The following LUZP2 variants were observed in gnomAD, a reference collection of about 807,000 sequenced individuals.
LUZP2 encodes the protein leucine zipper protein 2.
Under a neutral mutation model 51.6 loss-of-function variants are expected in LUZP2, and 52 were observed. The ratio of observed to expected loss-of-function variants is 1.01; its 90% CI spans 0.81 to 1.27. The LOEUF is 1.27. Ranked by LOEUF, LUZP2 falls within the 50% of genes most tolerant of loss-of-function variation. LUZP2 has a pLI of 0.00. For synonymous variants in LUZP2, 154 were observed against 137.3 expected, an observed-to-expected ratio of 1.12 and a Z score of -0.85; for missense variants, 436 against 395.4, an observed-to-expected ratio of 1.10 and a Z score of -0.87.
At chr11:24,978,640 A>G (rs532419235) in intron 8 of LUZP2, among the ~76,000 whole-genome samples, 6 of 151,816 alleles carry the variant, frequency 4.0e-5, no homozygotes, top group Non-Finnish European at 7.4e-5. Context: ...AATATATGAC[A>G]CAAGGTCTTG....
intron 7 of LUZP2, among the ~76,000 whole-genome samples, chr11:24,972,989 T>C (rs1855787905): frequency 6.6e-6 from 1 of 151,746 alleles, no homozygotes; most frequent in South Asian, 2.1e-4. Context: ...GTGATAGTTT[T>C]AGTAGAAATA....
At chr11:24,799,411 C>T (rs1263376027) in intron 5 of LUZP2, among the ~76,000 whole-genome samples, 1 of 151,958 alleles carries the variant, frequency 6.6e-6, no homozygotes, top group Non-Finnish European at 1.5e-5. Flanking sequence ...GCCTGGCCAA[C>T]ATGGTGAAAC....
At chr11:24,686,585 C>T (rs568672553) in intron 1 of LUZP2, among the ~76,000 whole-genome samples, 131 of 152,150 alleles carry the variant, frequency 8.6e-4, no homozygotes, top group African/African-American at 2.8e-3. Flanking sequence ...TTTGCCACAC[C>T]GTTCAATCTC....
At chr11:24,813,671 T>C (rs1305382914) in intron 5 of LUZP2, among the ~76,000 whole-genome samples, 3 of 152,196 alleles carry the variant, frequency 2.0e-5, no homozygotes, top group Non-Finnish European at 2.9e-5. Flanking sequence ...ACCTCCAAAA[T>C]TGGAGATTAC....
chr11:24,510,152 G>A (rs922730831), intron 1 of LUZP2, among the ~76,000 whole-genome samples: 3 of 152,164 alleles, frequency 2.0e-5, no homozygotes, highest in African/African-American at 7.2e-5. Context: ...AGTTGCTTTG[G>A]AACCTTGAAA....
rs1427097846 is a variant in LUZP2 at position 24,633,927 on chromosome 11, T to C, written c.63-95242T>C. On this transcript the variant is annotated intron_variant, in intron 1 of 11. Coordinates refer to ENST00000336930, the MANE Select transcript of LUZP2 (RefSeq NM_001009909.4). ...AAAAAATTATTAAAATGTATTTTTT[T>C]AGTCTAACACACGTGTGTGTGTGTG... 2.7e-5 allele frequency among the ~76,000 whole-genome samples: 4 copies of C among 146,476 alleles called. No homozygotes were observed. The East Asian group carries it at 7.9e-4, about 29-fold the overall frequency.
intron 1 of LUZP2, among the ~76,000 whole-genome samples, chr11:24,604,183 T>C (rs990044595): frequency 1.3e-5 from 2 of 151,852 alleles, no homozygotes; most frequent in Admixed American, 6.6e-5. Flanking sequence ...ATCTTAACAG[T>C]GTAGTCTGCT....
In LUZP2 at chr11:24,777,150, C is replaced by T. The variant is rs555032671; in HGVS notation, c.396+13842C>T. Among the ~76,000 whole-genome samples the T allele has an allele frequency of 1.7e-4, 26 of 152,036 alleles. No individual in the cohort carries two copies. The South Asian group carries it at 4.2e-3, about 24-fold the overall frequency. On this transcript the variant is annotated intron_variant, in intron 5 of 11. Transcript: ENST00000336930. ...GCTGGGACTACAGGCGCCACCACCACGCCTGGCTAATTTTTTGTATTTTTA... is the reference window on the plus strand; with the variant it reads ...GCTGGGACTACAGGCGCCACCACCATGCCTGGCTAATTTTTTGTATTTTTA...
intron 9 of LUZP2, among the ~76,000 whole-genome samples, chr11:25,041,762 A>G (rs1858067426): frequency 6.6e-6 from 1 of 152,166 alleles, no homozygotes; most frequent in Non-Finnish European, 1.5e-5. Context: ...AGGGGTCCCC[A>G]GCCATGGACC....
chr11:24,962,586 T>C (rs1855447914), intron 7 of LUZP2, among the ~76,000 whole-genome samples: 1 of 152,248 alleles, frequency 6.6e-6, no homozygotes. Flanking sequence ...ATTCTTCACG[T>C]AGTTCTTGAG....
At chr11:24,849,304 C>T (rs895748794) in intron 5 of LUZP2, among the ~76,000 whole-genome samples, 5 of 152,046 alleles carry the variant, frequency 3.3e-5, no homozygotes, top group African/African-American at 4.8e-5. Context: ...CAACAGGCCC[C>T]GGTGTGTGAT....
intron 1 of LUZP2, among the ~76,000 whole-genome samples, chr11:24,662,291 T>A (rs1856050086): frequency 6.6e-6 from 1 of 151,776 alleles, no homozygotes; most frequent in South Asian, 2.1e-4. Flanking sequence ...GAAAAAAAAA[T>A]CAACAATTGT....
At chr11:24,681,075 G>A (rs2133868969) in intron 1 of LUZP2, among the ~76,000 whole-genome samples, 1 of 151,672 alleles carries the variant, frequency 6.6e-6, no homozygotes, top group South Asian at 2.1e-4. Flanking sequence ...TCCGCTTCCC[G>A]GGTTCACGCC....
chr11:25,035,026 G>A lies in LUZP2; in HGVS notation c.766-15012G>A. ...AACCCTTGACAATTTAGACACCAAAGGAAGATACCTTAAAATAATAAGAGC... is the reference window on the plus strand; with the variant it reads ...AACCCTTGACAATTTAGACACCAAAAGAAGATACCTTAAAATAATAAGAGC... On this transcript the variant is annotated intron_variant, in intron 9 of 11. Transcript: ENST00000336930. 2.0e-5 allele frequency among the ~76,000 whole-genome samples: 3 copies of A among 152,066 alleles called. No individual in the cohort carries two copies. In the South Asian group the frequency reaches 6.2e-4, roughly 32 times the overall value.
In LUZP2 at chr11:24,719,103, G is replaced by A. The variant is rs573060482; in HGVS notation, c.63-10066G>A. Among the ~76,000 whole-genome samples, 19 of 152,288 alleles carry A rather than the reference G, an allele frequency of 1.2e-4. No individual in the cohort carries two copies. In the South Asian group the frequency reaches 3.7e-3, roughly 30 times the overall value. On this transcript the variant is annotated intron_variant, in intron 1 of 11. Transcript: ENST00000336930. ...CCTTGACCTTGACATGGCCGAAGGG[G>A]CTACTGATATTTTGAACTGTAAGTT...
intron 10 of LUZP2, among the ~76,000 whole-genome samples, chr11:25,072,099 C>T (rs1859175419): frequency 6.6e-6 from 1 of 151,990 alleles, no homozygotes; most frequent in African/African-American, 2.4e-5. Flanking sequence ...TGCAGAACTT[C>T]CCCTGATAGA....
At chr11:24,909,852 A>C (rs780749957) in intron 6 of LUZP2, among the ~76,000 whole-genome samples, 2 of 152,140 alleles carry the variant, frequency 1.3e-5, no homozygotes, top group Admixed American at 6.5e-5. Context: ...ATGATACCTG[A>C]AAATGTGGAA....
chr11:24,858,123 C>T (rs1484940602), intron 5 of LUZP2, among the ~76,000 whole-genome samples: 1 of 152,110 alleles, frequency 6.6e-6, no homozygotes, highest in Non-Finnish European at 1.5e-5. Flanking sequence ...CACAAACTTT[C>T]ACATATGCTG....
At chr11:24,996,666 T>G (rs188898397) in intron 9 of LUZP2, among the ~76,000 whole-genome samples, 7 of 151,142 alleles carry the variant, frequency 4.6e-5, no homozygotes, top group Middle Eastern at 3.4e-3. Context: ...ATGTGCACAA[T>G]GTGAAGGTTA....
Sources: allele counts gnomAD v4.1 joint callset (sites outside exome capture counted in the v4.1 genomes callset), GRCh38; gene constraint gnomAD v4.1.1; transcripts MANE v1.5; gene names NCBI Gene and HGNC (gene_info 2026-07-23, HGNC 2026-07-21).